KATNAL1: variants seen among roughly 807,000 people sequenced by gnomAD.
KATNAL1 encodes katanin catalytic subunit A1 like 1, also known as katanin p60 ATPase-containing subunit A-like 1.
KATNAL1 carries 32 observed loss-of-function variants against 55.2 expected under a neutral mutation model. The observed-to-expected ratio is 0.58, with a 90% CI of 0.44 to 0.78. KATNAL1 has a LOEUF of 0.78. Ranked by LOEUF, KATNAL1 falls within the 30% of genes least tolerant of loss-of-function variation. The pLI is 0.00. For missense variants in KATNAL1, 466 were observed against 600.9 expected (o/e 0.78, Z 2.35); for synonymous variants, 193 against 193.6 (o/e 1.00, Z 0.02).
At chr13:30,271,785 GCTCTT>G (rs1880381622) in intron 3 of KATNAL1, among the ~76,000 whole-genome samples, 2 of 149,550 alleles carry the variant, frequency 1.3e-5, no homozygotes, top group Non-Finnish European at 3.0e-5. Flanking sequence ...TCTTTCTACT[GCTCTT>G]TGGCTCCATA....
chr13:30,295,435 T>C (rs577584558), intron 1 of KATNAL1, among the ~76,000 whole-genome samples: 51 of 152,280 alleles, frequency 3.3e-4, no homozygotes, highest in African/African-American at 1.2e-3. Context: ...AAGTGGAGCT[T>C]GTAGATGTGA....
chr13:30,217,820 G>C (rs1874441145), intron 9 of KATNAL1, among the ~76,000 whole-genome samples: 1 of 152,062 alleles, frequency 6.6e-6, no homozygotes, highest in Non-Finnish European at 1.5e-5. Flanking sequence ...CTGGCCCATG[G>C]TAAATACTCA....
At position 30,307,416 on chromosome 13, in the gene KATNAL1, G is replaced by GCCC. The variant is rs995577461; in HGVS notation, c.-101_-100insGGG. On this transcript the variant is annotated 5_prime_UTR_variant, in exon 1 of 11. Transcript: ENST00000380615. ...GCAGGCCGCCGCCGCCGCCGCCGCC[G>GCCC]AGTCCGTTAGCTCGCGACGTGCGTG... 1.4e-4 allele frequency: 22 copies of GCCC among 155,704 alleles called. No homozygotes were observed. Among genetic ancestry groups the GCCC allele is most frequent in the Middle Eastern group, 6.5e-3 (2 of 306 alleles). The allele number at this position is 155,704 out of a possible 1,614,324, so 9.6% of individuals were successfully genotyped here. A position where few individuals can be genotyped will look rare whatever the true frequency, so the allele number is the denominator to read the frequency against.
chr13:30,264,991 A>AAT (rs1879629506), intron 3 of KATNAL1, among the ~76,000 whole-genome samples: 6 of 149,110 alleles, frequency 4.0e-5, no homozygotes, highest in Non-Finnish European at 5.9e-5. Flanking sequence ...CAACAATGAT[A>AAT]GACTGGATTA....
intron 1 of KATNAL1, among the ~76,000 whole-genome samples, chr13:30,297,987 C>G (rs762186188): frequency 6.6e-6 from 1 of 152,100 alleles, no homozygotes; most frequent in Non-Finnish European, 1.5e-5. Context: ...ATGTAACAAA[C>G]GTGCAGATGT....
rs368848343 is a variant in KATNAL1, at chr13:30,248,484, A to T, written c.492+6963T>A. 1.1e-4 allele frequency among the ~76,000 whole-genome samples: 17 copies of T among 152,380 alleles called. No individual in the cohort carries two copies. The East Asian group carries it at 3.3e-3, about 29-fold the overall frequency. On this transcript the variant is annotated intron_variant, in intron 4 of 10. Coordinates refer to ENST00000380615, the MANE Select transcript of KATNAL1 (RefSeq NM_032116.5). ...AGCAACTTAATATTCAAAGGACAGA[A>T]AAAGATGTTTCTTAAAAACAAGTCA...
At chr13:30,246,645 T>C (rs1290255211) in intron 4 of KATNAL1, among the ~76,000 whole-genome samples, 1 of 152,184 alleles carries the variant, frequency 6.6e-6, no homozygotes, top group African/African-American at 2.4e-5. Context: ...TCTATCCATC[T>C]GACAAAGGGC....
At chr13:30,244,391 G>A (rs986511743) in intron 4 of KATNAL1, among the ~76,000 whole-genome samples, 3 of 152,076 alleles carry the variant, frequency 2.0e-5, no homozygotes, top group East Asian at 1.9e-4. Flanking sequence ...ATAAACATAC[G>A]TGTACATGTG....
chr13:30,243,148 T>G (rs1345358015), intron 4 of KATNAL1, among the ~76,000 whole-genome samples: 1 of 152,180 alleles, frequency 6.6e-6, no homozygotes, highest in Non-Finnish European at 1.5e-5. Context: ...AGAATTTGAT[T>G]TTTAGCATGA....
intron 3 of KATNAL1, among the ~76,000 whole-genome samples, chr13:30,277,562 C>T (rs1289947472): frequency 6.6e-6 from 1 of 152,116 alleles, no homozygotes; most frequent in Admixed American, 6.5e-5. Context: ...GGAGAAGAAA[C>T]GAAGTTTATA....
chr13:30,304,056 A>G (rs1883029586), intron 1 of KATNAL1, among the ~76,000 whole-genome samples: 1 of 152,198 alleles, frequency 6.6e-6, no homozygotes, highest in Admixed American at 6.5e-5. Context: ...AATCAAATAA[A>G]TAGTATTAAC....
chr13:30,255,601 A>G lies in KATNAL1; in HGVS notation c.338T>C (p.Ile113Thr). The stretch of plus-strand genomic sequence containing the variant: ...TCTTACTTCTCGATTGGGACGCCTG[A>G]TCTGAGGTGGAGCTCTGACAAAAAA... ...VPAEHRAPPQ[I>T]RRPNREVRPL... Residue 113 changes from isoleucine (I) to threonine (T), a missense_variant, in exon 4 of 11, where the codon ATC becomes ACC. Physicochemically the swap from Ile to Thr is moderately conservative, Grantham distance 89. Around this residue, in one of 3 missense-constraint regions of KATNAL1, gnomAD observed 248 missense variants for 275.5 expected, o/e 0.90. Coordinates refer to ENST00000380615, the MANE Select transcript of KATNAL1 (RefSeq NM_032116.5). The G allele has an allele frequency of 6.7e-7, 1 of 1,487,896 alleles. No homozygotes were observed. The allele number at this position is 1,487,896 out of a possible 1,614,324, so 92.2% of individuals were successfully genotyped here.
At chr13:30,233,161 CAA>C (rs1424117692) in intron 6 of KATNAL1, among the ~76,000 whole-genome samples, 2 of 151,992 alleles carry the variant, frequency 1.3e-5, no homozygotes, top group African/African-American at 2.4e-5. Flanking sequence ...AAGGAAACAA[CAA>C]AGAGACACCC....
chr13:30,249,991 C>T (rs1878150571), intron 4 of KATNAL1, among the ~76,000 whole-genome samples: 1 of 152,136 alleles, frequency 6.6e-6, no homozygotes, highest in Non-Finnish European at 1.5e-5. Flanking sequence ...ACGCAAAACT[C>T]CTCACATCCT....
Position 30,202,738 on chromosome 13 carries a change from T to C in KATNAL1, c.*5802A>G, listed in dbSNP as rs1306202496. 6.6e-6 allele frequency: 1 copy of C among 152,166 alleles called. No homozygotes were observed. Among genetic ancestry groups the C allele is most frequent in the Admixed American group, 6.5e-5 (1 of 15,280 alleles). The allele number at this position is 152,166 out of a possible 1,614,324, so 9.4% of individuals were successfully genotyped here. On this transcript the variant is annotated 3_prime_UTR_variant, in exon 11 of 11. Coordinates refer to ENST00000380615, the MANE Select transcript of KATNAL1 (RefSeq NM_032116.5). ...GCACAAAAGGTAAGGAAAAACACAT[T>C]TAATAAATACAACTTGGAAACGTCT...
At chr13:30,232,102 TCTTA>T (rs1387830225) in intron 6 of KATNAL1, among the ~76,000 whole-genome samples, 1 of 152,220 alleles carries the variant, frequency 6.6e-6, no homozygotes, top group Non-Finnish European at 1.5e-5. Context: ...TTCAGTTACT[TCTTA>T]GTTTTGAAAA....
intron 4 of KATNAL1, among the ~76,000 whole-genome samples, chr13:30,244,942 C>T (rs957024440): frequency 1.3e-5 from 2 of 151,578 alleles, no homozygotes; most frequent in Non-Finnish European, 2.9e-5. Context: ...CAGGACCAGA[C>T]GGATTCACAG....
rs1014189662 is a variant in KATNAL1, at chr13:30,287,148, G to A, written c.-14-3357C>T. On this transcript the variant is annotated intron_variant, in intron 1 of 10. Transcript: ENST00000380615. ...GAATGGGTTAAGACTTTGGGGGACG[G>A]TTGGAAAGGAATGATTTGCAATGTG... is the stretch of plus-strand genomic sequence containing the variant. 2.0e-5 allele frequency among the ~76,000 whole-genome samples: 3 copies of A among 152,302 alleles called. No homozygotes were observed. In the South Asian group the frequency reaches 6.2e-4, roughly 32 times the overall value.
In KATNAL1 at chr13:30,280,082, G is replaced by T; in HGVS notation, c.304C>A (p.Pro102Thr). 4 of 1,612,120 alleles carry T rather than the reference G, an allele frequency of 2.5e-6. No individual in the cohort carries two copies. Among genetic ancestry groups the T allele is most frequent in the Non-Finnish European group, 3.4e-6 (4 of 1,179,356 alleles). The change falls in exon 3 of 11, where the codon CCT (proline) becomes ACT (threonine). Residue 102 changes from proline to threonine, a missense_variant. Pro to Thr is a conservative substitution (Grantham distance 38). This residue lies in a region of KATNAL1 where 248 missense variants were observed against 275.5 expected (regional missense o/e 0.90). Transcript: ENST00000380615. ...ATTTACCTGTGTTCTGCAGGAACAGGGGGTGGCCAAACAGCAGGATCTCTA... is the reference window on the plus strand; with the variant it reads ...ATTTACCTGTGTTCTGCAGGAACAGTGGGTGGCCAAACAGCAGGATCTCTA... Reference protein sequence around the residue: ...PFRDPAVWPPPVPAEHRAPPQ... With the variant: ...PFRDPAVWPPTVPAEHRAPPQ...
Sources: gnomAD v4.1 joint callset for allele counts (sites outside exome capture counted in the v4.1 genomes callset) on GRCh38, gnomAD v4.1.1 for gene constraint, gnomAD v4.1.1 regional missense constraint, MANE v1.5 for transcripts, NCBI Gene and HGNC (gene_info 2026-07-23, HGNC 2026-07-21) for gene names.